HNF4A: variants seen among roughly 807,000 people sequenced by gnomAD.
HNF4A encodes the protein hepatocyte nuclear factor 4 alpha, also known as hepatocyte nuclear factor 4-alpha.
HNF4A carries 15 observed loss-of-function variants against 52.4 expected under a neutral mutation model. The observed-to-expected ratio is 0.29, with a 90% CI of 0.19 to 0.44. The LOEUF (loss-of-function observed/expected upper bound fraction) is 0.44. Ranked by LOEUF, HNF4A falls within the 20% of genes least tolerant of loss-of-function variation. HNF4A has a pLI of 1.00. For missense variants in HNF4A, 479 were observed against 647.2 expected, an observed-to-expected ratio of 0.74 and a Z score of 2.82; for synonymous variants, 280 against 264.4, an observed-to-expected ratio of 1.06 and a Z score of -0.57.
At chr20:44,375,225 G>A (rs2063072464) in intron 1 of HNF4A, among the ~76,000 whole-genome samples, 1 of 151,980 alleles carries the variant, frequency 6.6e-6, no homozygotes, top group Admixed American at 6.6e-5. Flanking sequence ...CTTTTTGTTG[G>A]GGTTCTTTGT....
intron 1 of HNF4A, chr20:44,402,668 A>C: frequency 1.5e-6 from 2 of 1,307,954 alleles, no homozygotes; most frequent in Non-Finnish European, 2.0e-6. Context: ...GGAGGCCCGG[A>C]AACCCCTCCT....
chr20:44,429,395 T>G, intron 9 of HNF4A, 128 bp from the exon 10 acceptor site: 2 of 1,003,550 alleles, frequency 2.0e-6, no homozygotes, highest in Non-Finnish European at 3.1e-6. Flanking sequence ...AATTCTCTCA[T>G]TTTATAGAGG....
rs2062851516 is a variant in HNF4A at position 44,355,865 on chromosome 20, T to A, written c.49+12T>A. On this transcript the variant is annotated intron_variant, in intron 1 of 9. Coordinates refer to the HNF4A transcript ENST00000316673. ...GGAGAGTTCTTACGGTAAGTGGGGC[T>A]GGGGGAAGACTGGACAGGGCGGGAC... 2 of 1,609,504 alleles carry A rather than the reference T, an allele frequency of 1.2e-6. No homozygotes were observed. The highest frequency in any genetic ancestry group is 1.7e-6 in the Non-Finnish European group (2 of 1,176,532).
rs140704949 is a variant in HNF4A, at chr20:44,426,526, G to A, written c.1130-1809G>A. ...TCAAAAAGAAATAAAGATAGAGGCC[G>A]GGCACGGTGGCTCACACCTGTAATC... On this transcript the variant is annotated intron_variant, in intron 8 of 9. Coordinates refer to ENST00000316099, the MANE Select transcript of HNF4A (RefSeq NM_000457.6). Among the ~76,000 whole-genome samples the A allele has an allele frequency of 1.1e-3, 162 of 152,142 alleles. 1 individual carries two copies. The highest frequency in any genetic ancestry group is 3.6e-3 in the African/African-American group (148 of 41,528).
Position 44,419,905 on chromosome 20 carries a change from T to TG in HNF4A, c.892+30dup, listed in dbSNP as rs193922478. 5.3e-5 allele frequency: 85 copies of TG among 1,610,896 alleles called. No individual in the cohort carries two copies. In the African/African-American group the frequency reaches 9.6e-4, roughly 18 times the overall value. ...CAGTGCACACCTCCTAAGCCATCCC[T>TG]GACTCTCTCTCCAGAACGCTCTGCC... On this transcript the variant is annotated intron_variant, in intron 7 of 9. Transcript: ENST00000316099.
chr20:44,377,370 T>A (rs527291982), intron 1 of HNF4A, among the ~76,000 whole-genome samples: 1 of 152,326 alleles, frequency 6.6e-6, no homozygotes, highest in South Asian at 2.1e-4. Context: ...TCATTCATAC[T>A]GGAAACCCCA....
chr20:44,388,826 C>T (rs187780170), intron 1 of HNF4A, among the ~76,000 whole-genome samples: 11 of 152,310 alleles, frequency 7.2e-5, no homozygotes, highest in Non-Finnish European at 1.3e-4. Context: ...TGAGGTGGGG[C>T]GGCAAAGGGT....
chr20:44,387,510 T>C (rs2063240555), intron 1 of HNF4A, among the ~76,000 whole-genome samples: 1 of 151,030 alleles, frequency 6.6e-6, no homozygotes, highest in South Asian at 2.1e-4. Context: ...AGTTTTGTTA[T>C]AAATGCATAG....
At chr20:44,422,898 C>G (rs1217942567) in intron 7 of HNF4A, among the ~76,000 whole-genome samples, 4 of 151,856 alleles carry the variant, frequency 2.6e-5, no homozygotes, top group Non-Finnish European at 5.9e-5. Flanking sequence ...AGGCTGGTCT[C>G]AAACTCCTGA....
At chr20:44,385,788 CT>C (rs1158652393) in intron 1 of HNF4A, among the ~76,000 whole-genome samples, 3 of 151,238 alleles carry the variant, frequency 2.0e-5, no homozygotes, top group East Asian at 4.0e-4. Context: ...TAAATATTTT[CT>C]TTTTTTTAAT....
chr20:44,368,353 G>A (rs948800565), intron 1 of HNF4A, among the ~76,000 whole-genome samples: 1 of 150,738 alleles, frequency 6.6e-6, no homozygotes, highest in Non-Finnish European at 1.5e-5. Context: ...TTTTAGTAGA[G>A]ATGGGATTTT....
intron 1 of HNF4A, 150 bp downstream of exon 1, chr20:44,356,003 C>G (rs539841375): frequency 1.9e-5 from 13 of 691,550 alleles, no homozygotes; most frequent in Non-Finnish European, 3.2e-5. Flanking sequence ...GCAATGTGAC[C>G]GCTTCCCTAA....
intron 1 of HNF4A, among the ~76,000 whole-genome samples, chr20:44,363,706 C>CT (rs11480026): frequency 0.016 from 1,725 of 107,426 alleles, 48 homozygotes; most frequent in African/African-American, 0.033. Context: ...TCCATCTACT[C>CT]TTTTTTTTTT....
Position 44,418,097 on chromosome 20 carries a change from A to C in HNF4A, c.649-328A>C, listed in dbSNP as rs113199082. ...TTTTGGGATCATAGACCTTTTTGAG[A>C]ATCTCAAAAAAGAAAAAAAAAGCAC... On this transcript the variant is annotated intron_variant, in intron 5 of 9. Transcript: ENST00000316099. Among the ~76,000 whole-genome samples the C allele has an allele frequency of 2.6e-5, 4 of 152,152 alleles. 1 individual carries two copies. Among genetic ancestry groups the C allele is most frequent in the African/African-American group, 9.6e-5 (4 of 41,502 alleles).
intron 3 of HNF4A, among the ~76,000 whole-genome samples, 176 bp from the exon 4 acceptor site, chr20:44,413,518 T>C (rs1177290708): frequency 6.6e-6 from 1 of 152,048 alleles, no homozygotes; most frequent in Non-Finnish European, 1.5e-5. Context: ...TTGTGATATG[T>C]GGAAAGTTCT....
At chr20:44,417,463 G>C (rs557070335) in intron 5 of HNF4A, among the ~76,000 whole-genome samples, 7 of 152,260 alleles carry the variant, frequency 4.6e-5, no homozygotes, top group African/African-American at 1.7e-4. Context: ...GCTCTGAGAA[G>C]GACCAGCCCT....
intron 4 of HNF4A, among the ~76,000 whole-genome samples, chr20:44,414,095 G>C (rs1342223365): frequency 6.6e-6 from 1 of 152,232 alleles, no homozygotes; most frequent in Non-Finnish European, 1.5e-5. Context: ...AGAGAACAGA[G>C]CAGTGGCTCA....
intron 1 of HNF4A, among the ~76,000 whole-genome samples, chr20:44,364,962 C>T (rs764692490): frequency 6.6e-6 from 1 of 152,128 alleles, no homozygotes; most frequent in Non-Finnish European, 1.5e-5. Context: ...ATGGCCCTTG[C>T]CAAATGCAAG....
chr20:44,400,349 G>A (rs949431890), upstream of HNF4A, among the ~76,000 whole-genome samples: 4 of 124,258 alleles, frequency 3.2e-5, no homozygotes, highest in African/African-American at 1.1e-4. Context: ...GAGGGAGGAG[G>A]GGGAAGAGGA....
Sources: gnomAD v4.1 joint callset for allele counts (sites outside exome capture counted in the v4.1 genomes callset) on GRCh38, gnomAD v4.1.1 for gene constraint, MANE v1.5 for transcripts, NCBI Gene and HGNC (gene_info 2026-07-23, HGNC 2026-07-21) for gene names.